The following BTBD9 variants were observed in gnomAD, a reference collection of about 807,000 sequenced individuals.
BTBD9 encodes the protein BTB domain containing 9.
A neutral mutation model predicts 64.3 loss-of-function variants in BTBD9; 49 were observed. That is an observed-to-expected ratio of 0.76 (90% CI 0.61 to 0.97). The LOEUF is 0.97. Among genes scored for constraint, BTBD9 ranks in the 50% least tolerant of loss-of-function variants. The pLI is 0.00. For missense variants in BTBD9, 598 were observed against 762.1 expected (o/e 0.78, Z 2.53); for synonymous variants, 260 against 274.7 (o/e 0.95, Z 0.53).
At chr6:38,278,185 G>A (rs953420006) in intron 8 of BTBD9, among the ~76,000 whole-genome samples, 1 of 152,116 alleles carries the variant, frequency 6.6e-6, no homozygotes, top group African/African-American at 2.4e-5. Context: ...TTTCTCTGGG[G>A]CAAAATACAC....
At chr6:38,413,456 G>C (rs912217327) in intron 6 of BTBD9, among the ~76,000 whole-genome samples, 4 of 152,112 alleles carry the variant, frequency 2.6e-5, no homozygotes, top group African/African-American at 2.4e-5. Flanking sequence ...ACACTGTATA[G>C]GCCAAACAAA....
At position 38,320,654 on chromosome 6, in the gene BTBD9, T is replaced by A. The variant is rs540274632; in HGVS notation, c.1264+24330A>T. 8.5e-5 allele frequency among the ~76,000 whole-genome samples: 13 copies of A among 152,294 alleles called. No individual in the cohort carries two copies. The East Asian group carries it at 2.1e-3, about 25-fold the overall frequency. ...ACTGTTTCTCTACCTATAAAGATAA[T>A]AATCCCTTCTTCTCCCTGCCTTTTT... On this transcript the variant is annotated intron_variant, in intron 7 of 10. Coordinates refer to ENST00000481247, the MANE Select transcript of BTBD9 (RefSeq NM_001099272.2).
intron 6 of BTBD9, among the ~76,000 whole-genome samples, chr6:38,447,045 T>TA (rs1471349247): frequency 2.8e-4 from 43 of 152,232 alleles, no homozygotes; most frequent in African/African-American, 9.2e-4. Context: ...TTTTTCTTCT[T>TA]TAATGGCATT....
chr6:38,358,033 C>T (rs867848369), intron 6 of BTBD9, among the ~76,000 whole-genome samples: 16 of 152,264 alleles, frequency 1.1e-4, no homozygotes, highest in Middle Eastern at 3.4e-3. Context: ...CTTTCTCTCT[C>T]TCTCTCTAAA....
Position 38,192,594 on chromosome 6 carries a change from G to A in BTBD9, c.1566C>T (p.Ser522=), listed in dbSNP as rs1403369286. ...VADRTKVSCK[S]WQSVTFERQP... ...GCCTTTCAAAAGTTACTGACTGCCA[G>A]GACCTGTGAGAGGAAACAACCATTT... Residue 522 remains serine, a synonymous_variant, in exon 10 of 11, where the codon TCC becomes TCT. Transcript: ENST00000481247. 7 of 1,613,580 alleles carry A rather than the reference G, an allele frequency of 4.3e-6. No individual in the cohort carries two copies. The highest frequency in any genetic ancestry group is 5.9e-6 in the Non-Finnish European group (7 of 1,179,756).
At chr6:38,319,332 G>A (rs144076419) in intron 7 of BTBD9, among the ~76,000 whole-genome samples, 221 of 152,108 alleles carry the variant, frequency 1.5e-3, no homozygotes, top group African/African-American at 4.2e-3. Context: ...TTATTATTCC[G>A]TCTCCTTTTC....
intron 9 of BTBD9, among the ~76,000 whole-genome samples, chr6:38,227,174 T>C (rs1479907987): frequency 6.6e-6 from 1 of 152,164 alleles, no homozygotes; most frequent in Non-Finnish European, 1.5e-5. Context: ...TGCAGAACAC[T>C]GTTTAGAGGA....
At chr6:38,329,055 T>A (rs1407542437) in intron 7 of BTBD9, among the ~76,000 whole-genome samples, 1 of 150,266 alleles carries the variant, frequency 6.7e-6, no homozygotes, top group Non-Finnish European at 1.5e-5. Context: ...AAAGATGGCA[T>A]CCTACTTCTA....
chr6:38,275,630 A>G (rs1284925445), intron 8 of BTBD9, among the ~76,000 whole-genome samples: 3 of 151,882 alleles, frequency 2.0e-5, no homozygotes, highest in Non-Finnish European at 1.5e-5. Flanking sequence ...AGAATCTACA[A>G]TGAACTCAAA....
chr6:38,488,000 G>A (rs774121428), intron 6 of BTBD9, among the ~76,000 whole-genome samples: 1 of 152,136 alleles, frequency 6.6e-6, no homozygotes, highest in Non-Finnish European at 1.5e-5. Flanking sequence ...AGAGAATAAA[G>A]TCCCTAGTTA....
intron 6 of BTBD9, among the ~76,000 whole-genome samples, chr6:38,468,709 A>G (rs1360605033): frequency 3.3e-5 from 5 of 152,234 alleles, no homozygotes; most frequent in Non-Finnish European, 5.9e-5. Flanking sequence ...AAGAGATCAA[A>G]TCATCTACTA....
intron 9 of BTBD9, among the ~76,000 whole-genome samples, chr6:38,235,140 C>G (rs1449753456): frequency 6.6e-6 from 1 of 152,212 alleles, no homozygotes; most frequent in Non-Finnish European, 1.5e-5. Flanking sequence ...CTCTGACAAT[C>G]ACCAATCACC....
intron 9 of BTBD9, among the ~76,000 whole-genome samples, chr6:38,235,464 G>C (rs905171536): frequency 6.6e-5 from 10 of 152,294 alleles, no homozygotes; most frequent in African/African-American, 2.2e-4. Context: ...ACCTGAGCTA[G>C]TGAGGAGGGC....
chr6:38,450,519 T>C (rs145094153), intron 6 of BTBD9, among the ~76,000 whole-genome samples: 17 of 152,204 alleles, frequency 1.1e-4, no homozygotes, highest in Non-Finnish European at 1.8e-4. Context: ...TTGTACATGA[T>C]AAATACAAAC....
intron 9 of BTBD9, among the ~76,000 whole-genome samples, chr6:38,212,847 C>G (rs1463920218): frequency 6.6e-6 from 1 of 152,156 alleles, no homozygotes; most frequent in Admixed American, 6.5e-5. Flanking sequence ...CAATACCACC[C>G]CCTTCTCCCC....
At chr6:38,461,299 A>G (rs568026487) in intron 6 of BTBD9, among the ~76,000 whole-genome samples, 1 of 152,300 alleles carries the variant, frequency 6.6e-6, no homozygotes, top group Admixed American at 6.5e-5. Context: ...TCCTTGTGCT[A>G]TTTTGTAATG....
intron 10 of BTBD9, among the ~76,000 whole-genome samples, chr6:38,182,068 C>T (rs1275236809): frequency 6.6e-6 from 1 of 152,168 alleles, no homozygotes; most frequent in Non-Finnish European, 1.5e-5. Context: ...TTGCGAGCAA[C>T]AAATTTTCAG....
chr6:38,535,521 G>C (rs1773986701), intron 6 of BTBD9, among the ~76,000 whole-genome samples: 1 of 152,050 alleles, frequency 6.6e-6, no homozygotes, highest in Non-Finnish European at 1.5e-5. Flanking sequence ...AGTTTATATG[G>C]AACCATAAAA....
intron 6 of BTBD9, among the ~76,000 whole-genome samples, chr6:38,374,307 G>GTATATATATATATGTATATA (rs1582317684): frequency 5.1e-5 from 3 of 59,092 alleles, no homozygotes; most frequent in Non-Finnish European, 6.0e-5. Flanking sequence ...GTATATATAT[G>GTATATATATATATGTATATA]TATATATATA....
Sources: gnomAD v4.1 joint callset for allele counts (sites outside exome capture counted in the v4.1 genomes callset) on GRCh38, gnomAD v4.1.1 for gene constraint, MANE v1.5 for transcripts, NCBI Gene and HGNC (gene_info 2026-07-23, HGNC 2026-07-21) for gene names.